The following PAN2 variants were observed in gnomAD, a reference collection of about 807,000 sequenced individuals.
PAN2 encodes the protein poly(A) specific ribonuclease subunit PAN2.
PAN2 carries 68 observed loss-of-function variants against 133.3 expected under a neutral mutation model. The observed-to-expected ratio is 0.51, with a 90% CI of 0.42 to 0.62. The LOEUF is 0.62. Ranked by LOEUF, PAN2 falls within the 20% of genes least tolerant of loss-of-function variation. The pLI, the probability that PAN2 is intolerant of heterozygous loss-of-function variation, is 0.00. For missense variants in PAN2, 1,042 were observed against 1,500.5 expected, an observed-to-expected ratio of 0.69 and a Z score of 5.05; for synonymous variants, 462 against 544.6, an observed-to-expected ratio of 0.85 and a Z score of 2.11.
At chr12:56,321,870 T>C (rs539702193) in intron 20 of PAN2, among the ~76,000 whole-genome samples, 39 of 152,118 alleles carry the variant, frequency 2.6e-4, no homozygotes, top group Middle Eastern at 3.4e-3. Context: ...AAAAAAATTT[T>C]TTTTCAAAGA....
Position 56,319,587 on chromosome 12 carries a change from G to C in PAN2, c.3090+34C>G. ...CTTGAGCACTGTAAGTAAGCACCAG[G>C]GTGTGCCTCACTTGCATCTCCATAT... On this transcript the variant is annotated intron_variant, in intron 22 of 25. Coordinates refer to ENST00000440411, the MANE Select transcript of PAN2 (RefSeq NM_014871.6). The surrounding 1 kb of genome is among the most constrained non-coding windows in gnomAD (Gnocchi z 5.4). 6.3e-7 allele frequency: 1 copy of C among 1,593,688 alleles called. No individual in the cohort carries two copies. Among genetic ancestry groups the C allele is most frequent in the South Asian group, 1.1e-5 (1 of 87,220 alleles).
rs191990217 is a variant in PAN2 at position 56,318,698 on chromosome 12, T to C, written c.3365-264A>G. ...TTCTTTTCCCCCCATGCTTTTATTT[T>C]TTATATTTAAATTTTATTTTAGATT... On this transcript the variant is annotated intron_variant, in intron 24 of 25. Transcript: ENST00000440411. 111 of 459,176 alleles carry C rather than the reference T, an allele frequency of 2.4e-4. No individual in the cohort carries two copies. In the Middle Eastern group the frequency reaches 2.9e-3, roughly 12 times the overall value. 28.4% of individuals were successfully genotyped at this position (459,176 alleles called of 1,614,324 possible).
In PAN2 at chr12:56,322,430, A is replaced by G. The variant is rs1874664430; in HGVS notation, c.2690T>C (p.Ile897Thr). The G allele has an allele frequency of 1.9e-6, 3 of 1,611,238 alleles. No individual in the cohort carries two copies. Among genetic ancestry groups the G allele is most frequent in the Non-Finnish European group, 1.7e-6 (2 of 1,177,322 alleles). The stretch of plus-strand genomic sequence containing the variant: ...GAACATGTTGCAACTAACCTTATCA[A>G]TAGGTTCAATAAGAAAGTCATTGAA... ...YLFNDFLIEP[I>T]DKHEAVQFDM... is the part of the protein sequence containing the mutation. The change falls in exon 19 of 26, where the codon ATT becomes ACT. Residue 897 changes from isoleucine to threonine, a missense_variant. By Grantham distance (89) the Ile-to-Thr change is moderately conservative. Coordinates refer to ENST00000440411, the MANE Select transcript of PAN2 (RefSeq NM_014871.6).
Position 56,333,089 on chromosome 12 carries a change from G to A in PAN2, c.6C>T (p.Asn2=), listed in dbSNP as rs1565639566. Residue 2 remains asparagine, a synonymous_variant, in exon 2 of 26, where the codon AAC becomes AAT. Coordinates refer to ENST00000440411, the MANE Select transcript of PAN2 (RefSeq NM_014871.6). M[N]FEGLDPGLAE... is the part of the protein sequence containing the mutation. ...CCAGTCCAGGGTCCAGACCCTCAAA[G>A]TTCATGATGACGATGGCAGCTTACA... 2 of 1,613,174 alleles carry A rather than the reference G, an allele frequency of 1.2e-6. No homozygotes were observed. The highest frequency in any genetic ancestry group is 1.7e-6 in the Non-Finnish European group (2 of 1,179,328).
intron 10 of PAN2, 134 bp downstream of exon 10, chr12:56,324,875 G>T: frequency 7.3e-7 from 1 of 1,372,504 alleles, no homozygotes; most frequent in Non-Finnish European, 1.0e-6. Flanking sequence ...AGTTGTAGAG[G>T]CAAGAAAGAA....
intron 2 of PAN2, among the ~76,000 whole-genome samples, chr12:56,330,575 G>A (rs1021952254): frequency 7.3e-5 from 11 of 151,364 alleles, no homozygotes; most frequent in Admixed American, 4.0e-4. Flanking sequence ...TAGCCGGGAT[G>A]GTCTCGATCT....
chr12:56,332,634 G>T, intron 2 of PAN2, 179 bp downstream of exon 2: 4 of 569,842 alleles, frequency 7.0e-6, no homozygotes, highest in East Asian at 3.0e-5. Flanking sequence ...TGCCTCCTGA[G>T]AAAGAATATG....
rs563974954 is a variant in PAN2 at position 56,325,589 on chromosome 12, CCTTT to C, written c.1360-139_1360-136del. The C allele has an allele frequency of 2.2e-4, 206 of 935,676 alleles. 1 individual carries two copies. In the Middle Eastern group the frequency reaches 5.6e-3, roughly 25 times the overall value. The allele number at this position is 935,676 out of a possible 1,614,324, so 58.0% of individuals were successfully genotyped here. Reference sequence around the variant, plus strand: ...ATAGCACTCTCAGCATCCGCTGCTTCCTTTCTATTTCCACTGCCATCACTCTGCT... The same window carrying C: ...ATAGCACTCTCAGCATCCGCTGCTTCCTATTTCCACTGCCATCACTCTGCT... On this transcript the variant is annotated intron_variant, in intron 8 of 25. Coordinates refer to ENST00000440411, the MANE Select transcript of PAN2 (RefSeq NM_014871.6).
chr12:56,322,848 GGGGAT>G, intron 17 of PAN2, 90 bp from the exon 18 acceptor site: 3 of 1,354,850 alleles, frequency 2.2e-6, no homozygotes, highest in Non-Finnish European at 3.1e-6. Flanking sequence ...TGGGGGTATG[GGGGAT>G]GGGGGACCAG....
chr12:56,322,742 G>A lies in PAN2; in HGVS notation c.2510C>T (p.Ala837Val). The A allele has an allele frequency of 6.2e-7, 1 of 1,613,236 alleles. No individual in the cohort carries two copies. The highest frequency in any genetic ancestry group is 8.5e-7 in the Non-Finnish European group (1 of 1,179,848). The change falls in exon 18 of 26, where the codon GCA becomes GTA. Residue 837 changes from alanine (A) to valine (V), a missense_variant. This residue lies in a region of PAN2 where 908 missense variants were observed against 1,223.5 expected (regional missense o/e 0.74). Coordinates refer to ENST00000440411, the MANE Select transcript of PAN2 (RefSeq NM_014871.6). ...GDEMQWGPAR[A>V]EEEHGVYVYD... ...CACATAGACACCATGCTCCTCCTCT[G>A]CCCTGGCTGGGCCCCACTGTGAGGG...
chr12:56,330,353 CTTTTTTTTTTTT>C (rs10525866), intron 2 of PAN2, among the ~76,000 whole-genome samples: 13,943 of 93,610 alleles, frequency 0.15, 931 homozygotes, highest in East Asian at 0.27. Flanking sequence ...CTGTATTTTT[CTTTTTTTTTTTT>C]TTTTTTTTTT....
At chr12:56,322,331 G>C in intron 19 of PAN2, 92 bp downstream of exon 19, 1 of 1,187,228 alleles carries the variant, frequency 8.4e-7, no homozygotes, top group South Asian at 1.2e-5. Context: ...CTCCCTCCCT[G>C]TTGAATCTGC....
intron 5 of PAN2, 138 bp downstream of exon 5, chr12:56,327,857 C>T: frequency 7.0e-7 from 1 of 1,438,790 alleles, no homozygotes; most frequent in South Asian, 1.4e-5. Context: ...TAGAACATCA[C>T]TGAGTAGGAA....
chr12:56,322,231 A>G (rs1035591961), intron 19 of PAN2, 63 bp from the exon 20 acceptor site: 1 of 1,194,278 alleles, frequency 8.4e-7, no homozygotes, highest in African/African-American at 1.5e-5. Flanking sequence ...CCCCCACTTC[A>G]GACGGAGGCC....
intron 9 of PAN2, 63 bp downstream of exon 9, chr12:56,325,272 C>A: frequency 1.2e-6 from 2 of 1,604,146 alleles, no homozygotes; most frequent in Admixed American, 3.4e-5. Context: ...AATCCTTTCT[C>A]ATATGACTTC....
chr12:56,322,236 G>A, intron 19 of PAN2, 68 bp from the exon 20 acceptor site: 3 of 1,167,798 alleles, frequency 2.6e-6, no homozygotes, highest in Non-Finnish European at 3.8e-6. Context: ...ACTTCAGACG[G>A]AGGCCAGGAC....
In PAN2 at chr12:56,317,259, A is replaced by G. The variant is rs1444608372; in HGVS notation, c.*350T>C. ...TCCTCTGTCACTGTCCAGGACTTCA[A>G]TCCCTAGCCAGCTAGGAACTTACAG... On this transcript the variant is annotated 3_prime_UTR_variant, in exon 26 of 26. Coordinates refer to ENST00000440411, the MANE Select transcript of PAN2 (RefSeq NM_014871.6). 1.4e-5 allele frequency: 4 copies of G among 288,484 alleles called. No homozygotes were observed. The highest frequency in any genetic ancestry group is 2.2e-5 in the African/African-American group (1 of 45,420). 17.9% of individuals were successfully genotyped at this position (288,484 alleles called of 1,614,324 possible).
In PAN2 at chr12:56,325,111, G is replaced by A. The variant is rs982848870; in HGVS notation, c.1497C>T (p.Ser499=). The A allele has an allele frequency of 1.2e-6, 2 of 1,613,978 alleles. No individual in the cohort carries two copies. The highest frequency in any genetic ancestry group is 2.7e-5 in the African/African-American group (2 of 75,032). Residue 499 remains serine, a synonymous_variant, in exon 10 of 26, where the codon TCC becomes TCT. Coordinates refer to ENST00000440411, the MANE Select transcript of PAN2 (RefSeq NM_014871.6). ...KKYRKVTIKY[S]KLGLEDFDFK... ...AGTCAAAGTCCTCCAGCCCTAGCTT[G>A]GAATATTTGATGGTCACCTAAGGTA... is the stretch of plus-strand genomic sequence containing the variant.
chr12:56,318,535 G>T, intron 24 of PAN2, 101 bp from the exon 25 acceptor site: 1 of 813,610 alleles, frequency 1.2e-6, no homozygotes, highest in Non-Finnish European at 2.0e-6. Flanking sequence ...AAGCCTGACT[G>T]CCCTTAAGGA....
Sources: allele counts gnomAD v4.1 joint callset (sites outside exome capture counted in the v4.1 genomes callset), GRCh38; gene constraint gnomAD v4.1.1; regional missense constraint gnomAD v4.1.1; non-coding constraint Gnocchi (gnomAD v3.1); transcripts MANE v1.5; gene names NCBI Gene and HGNC (gene_info 2026-07-23, HGNC 2026-07-21).